The following SPPL3 variants were observed in gnomAD, a reference collection of about 807,000 sequenced individuals.
SPPL3 encodes the protein signal peptide peptidase like 3, also known as signal peptide peptidase-like 3.
SPPL3 carries 5 observed loss-of-function variants against 42.4 expected under a neutral mutation model. The ratio of observed to expected loss-of-function variants is 0.12; its 90% CI spans 0.06 to 0.25. SPPL3 has a LOEUF of 0.25. SPPL3 is among the 10% of genes least tolerant of loss of function. SPPL3 has a pLI of 1.00. For missense variants in SPPL3, 235 were observed against 489.0 expected (o/e 0.48, Z 4.90); for synonymous variants, 195 against 181.8 (o/e 1.07, Z -0.58).
rs1229161905 is a variant in SPPL3, at chr12:120,904,145, C to CATGGCG, written c.-284_-279dup. ...GGCTCCGCTGCAGCTCCAAACCCAACATGGCGGCGGCGGCGGCGCGGAGAA... is the reference window on the plus strand; with the variant it reads ...GGCTCCGCTGCAGCTCCAAACCCAACATGGCGATGGCGGCGGCGGCGGCGCGGAGAA... On this transcript the variant is annotated 5_prime_UTR_variant, in exon 1 of 11. It adds an upstream start codon to the 5' untranslated region. Coordinates refer to ENST00000353487, the MANE Select transcript of SPPL3 (RefSeq NM_139015.5). 11 of 295,034 alleles carry CATGGCG rather than the reference C, an allele frequency of 3.7e-5. No individual in the cohort carries two copies. The highest frequency in any genetic ancestry group is 6.8e-5 in the Non-Finnish European group (11 of 161,554). The allele number at this position is 295,034 out of a possible 1,614,324, so 18.3% of individuals were successfully genotyped here. A position where few individuals can be genotyped will look rare whatever the true frequency, so the allele number is the denominator to read the frequency against.
chr12:120,876,148 T>C (rs1351135563), intron 1 of SPPL3, among the ~76,000 whole-genome samples: 1 of 152,030 alleles, frequency 6.6e-6, no homozygotes, highest in Non-Finnish European at 1.5e-5. Flanking sequence ...ACATGGATCA[T>C]ATTCTAGACC....
chr12:120,840,277 C>CAAAA (rs533134400), intron 1 of SPPL3, among the ~76,000 whole-genome samples: 8 of 44,172 alleles, frequency 1.8e-4, no homozygotes, highest in East Asian at 7.6e-4. Context: ...GACTCTGTCT[C>CAAAA]AAAAAAAAAA....
chr12:120,762,953 G>C lies in SPPL3; in HGVS notation c.*2046C>G, dbSNP rs1001902617. On this transcript the variant is annotated 3_prime_UTR_variant, in exon 11 of 11. Coordinates refer to ENST00000353487, the MANE Select transcript of SPPL3 (RefSeq NM_139015.5). ...TTTGGAGCCCCCCTCTCTGTCTCTG[G>C]GCCTGCTTAATTAGCTATATGCATC... is the stretch of plus-strand genomic sequence containing the variant. 6.6e-6 allele frequency: 1 copy of C among 152,196 alleles called. No homozygotes were observed. Among genetic ancestry groups the C allele is most frequent in the African/African-American group, 2.4e-5 (1 of 41,432 alleles). 9.4% of individuals were successfully genotyped at this position (152,196 alleles called of 1,614,324 possible).
At chr12:120,843,535 G>A (rs1370834031) in intron 1 of SPPL3, among the ~76,000 whole-genome samples, 1 of 152,072 alleles carries the variant, frequency 6.6e-6, no homozygotes, top group Non-Finnish European at 1.5e-5. Context: ...CACCTCACTG[G>A]CTGTTCCTGC....
Position 120,782,662 on chromosome 12 carries a change from G to A in SPPL3, c.495C>T (p.Leu165=), listed in dbSNP as rs778400002. The stretch of plus-strand genomic sequence containing the variant: ...CACAAATTAGTCACTCACCATCCAT[G>A]AGAAGCCAATGGCCAGTGAGAACCC... ...LIWVLTGHWL[L]MDALAMGLCV... The change falls in exon 6 of 11, where the codon CTC becomes CTT. Residue 165 remains leucine (L), a synonymous_variant. Transcript: ENST00000353487. 1.2e-6 allele frequency: 2 copies of A among 1,607,466 alleles called. No individual in the cohort carries two copies. The highest frequency in any genetic ancestry group is 3.4e-5 in the Admixed American group (2 of 59,488).
At chr12:120,780,603 A>G (rs1271724663) in intron 6 of SPPL3, among the ~76,000 whole-genome samples, 1 of 151,348 alleles carries the variant, frequency 6.6e-6, no homozygotes, top group African/African-American at 2.4e-5. Context: ...AAAAAAAAAA[A>G]AAAGCTGGGC....
intron 1 of SPPL3, among the ~76,000 whole-genome samples, chr12:120,841,509 C>A (rs770222542): frequency 6.6e-6 from 1 of 152,014 alleles, no homozygotes; most frequent in Non-Finnish European, 1.5e-5. Flanking sequence ...CTGAAACCTT[C>A]ATGTTATGGA....
At chr12:120,892,327 T>A (rs1211717993) in intron 1 of SPPL3, among the ~76,000 whole-genome samples, 2 of 151,918 alleles carry the variant, frequency 1.3e-5, no homozygotes, top group Non-Finnish European at 2.9e-5. Flanking sequence ...GGTCAGAAAA[T>A]CCTGAGTGCT....
At position 120,763,814 on chromosome 12, in the gene SPPL3, T is replaced by G. The variant is rs1449203681; in HGVS notation, c.*1185A>C. The G allele has an allele frequency of 6.7e-6, 1 of 150,240 alleles. No homozygotes were observed. The allele number at this position is 150,240 out of a possible 1,614,324, so 9.3% of individuals were successfully genotyped here. A position where few individuals can be genotyped will look rare whatever the true frequency, so the allele number is the denominator to read the frequency against. ...GGATTGTGTTGCTTTTTTCCTTTTTTTTTTTCTTAAAGGAGTGAGGGCATG... is the reference window on the plus strand; with the variant it reads ...GGATTGTGTTGCTTTTTTCCTTTTTGTTTTTCTTAAAGGAGTGAGGGCATG... On this transcript the variant is annotated 3_prime_UTR_variant, in exon 11 of 11. Transcript: ENST00000353487.
At chr12:120,801,086 G>A (rs1483448617) in intron 2 of SPPL3, among the ~76,000 whole-genome samples, 1 of 152,216 alleles carries the variant, frequency 6.6e-6, no homozygotes, top group African/African-American at 2.4e-5. Flanking sequence ...AAGCTGTGTG[G>A]GGCAGATTTG....
At chr12:120,843,024 C>T (rs1788317811) in intron 1 of SPPL3, among the ~76,000 whole-genome samples, 1 of 152,104 alleles carries the variant, frequency 6.6e-6, no homozygotes, top group African/African-American at 2.4e-5. Context: ...TATTAAATTA[C>T]AGCCTCAAAC....
chr12:120,828,779 T>C (rs941134058), intron 1 of SPPL3, among the ~76,000 whole-genome samples: 13 of 152,212 alleles, frequency 8.5e-5, no homozygotes, highest in Non-Finnish European at 1.6e-4. Context: ...GTGTTAGAGA[T>C]GGAGTCTTGC....
At chr12:120,881,684 T>C (rs569099256) in intron 1 of SPPL3, among the ~76,000 whole-genome samples, 2 of 151,342 alleles carry the variant, frequency 1.3e-5, no homozygotes, top group East Asian at 3.9e-4. Context: ...ATACACAAAA[T>C]GTGGTCTTAC....
At chr12:120,823,984 C>A (rs1439840168) in intron 1 of SPPL3, among the ~76,000 whole-genome samples, 4 of 151,900 alleles carry the variant, frequency 2.6e-5, no homozygotes, top group African/African-American at 4.8e-5. Context: ...CATTCTCCTG[C>A]CTCAGCCTCC....
chr12:120,789,900 C>G (rs1869858448), intron 3 of SPPL3, among the ~76,000 whole-genome samples: 1 of 149,384 alleles, frequency 6.7e-6, no homozygotes, highest in South Asian at 2.1e-4. Context: ...CTGGCACAAC[C>G]ATTTCTTGTT....
intron 2 of SPPL3, among the ~76,000 whole-genome samples, chr12:120,806,063 A>C (rs1256628399): frequency 1.3e-5 from 2 of 151,768 alleles, no homozygotes; most frequent in African/African-American, 4.8e-5. Context: ...GGAAATGCAA[A>C]GGATCCAGAG....
chr12:120,881,145 A>G (rs1445842725), intron 1 of SPPL3, among the ~76,000 whole-genome samples: 2 of 152,048 alleles, frequency 1.3e-5, no homozygotes, highest in East Asian at 3.9e-4. Context: ...GGCAGTCACT[A>G]TGGAAAATGG....
intron 1 of SPPL3, among the ~76,000 whole-genome samples, chr12:120,870,301 T>C (rs532113254): frequency 0.042 from 6,333 of 151,664 alleles, 180 homozygotes; most frequent in South Asian, 0.12. Context: ...CAAAATTAGC[T>C]GGTCGTGGTG....
At chr12:120,779,490 T>C (rs762740104) in intron 6 of SPPL3, among the ~76,000 whole-genome samples, 1 of 152,234 alleles carries the variant, frequency 6.6e-6, no homozygotes, top group Non-Finnish European at 1.5e-5. Flanking sequence ...AAAAATTCTT[T>C]GGAATTACAA....
Sources: gnomAD v4.1 joint callset for allele counts (sites outside exome capture counted in the v4.1 genomes callset) on GRCh38, gnomAD v4.1.1 for gene constraint, MANE v1.5 for transcripts, NCBI Gene and HGNC (gene_info 2026-07-23, HGNC 2026-07-21) for gene names.